EPM2A: variants seen among roughly 807,000 people sequenced by gnomAD.
The protein encoded by EPM2A is laforin.
In EPM2A, 21 loss-of-function variants were observed where a neutral mutation model predicts 26.5. That is an observed-to-expected ratio of 0.79 (90% CI 0.56 to 1.14). The LOEUF (loss-of-function observed/expected upper bound fraction) is 1.14, where lower values mean the gene tolerates loss of function less well. Among genes scored for constraint, EPM2A ranks in the 50% most tolerant of loss-of-function variants. The pLI, the probability that EPM2A is intolerant of heterozygous loss-of-function variation, is 0.00. For missense variants in EPM2A, 458 were observed against 440.8 expected, an observed-to-expected ratio of 1.04 and a Z score of -0.35; for synonymous variants, 217 against 177.6, an observed-to-expected ratio of 1.22 and a Z score of -1.76.
At chr6:145,444,720 G>A (rs974026797) in intron 4 of EPM2A, among the ~76,000 whole-genome samples, 11 of 151,998 alleles carry the variant, frequency 7.2e-5, no homozygotes, top group African/African-American at 2.7e-4. Flanking sequence ...TGTTTCTTAT[G>A]CATTAGCACG....
chr6:145,641,203 A>G (rs1206674853), intron 2 of EPM2A: 3 of 152,216 alleles, frequency 2.0e-5, no homozygotes, highest in Non-Finnish European at 4.4e-5. Flanking sequence ...CTCCTATGTT[A>G]AAGTCCTAAC....
intron 4 of EPM2A, among the ~76,000 whole-genome samples, chr6:145,468,128 G>C (rs1007351932): frequency 2.0e-5 from 3 of 151,952 alleles, no homozygotes; most frequent in African/African-American, 7.3e-5. Flanking sequence ...GGAATATTGA[G>C]AGTAGATACT....
At chr6:145,702,637 C>T (rs1781984575) in intron 1 of EPM2A, among the ~76,000 whole-genome samples, 1 of 152,172 alleles carries the variant, frequency 6.6e-6, no homozygotes, top group Admixed American at 6.5e-5. Flanking sequence ...TCCAGTCCTC[C>T]TAGTCTTTGC....
downstream of EPM2A, chr6:145,625,217 T>C (rs1393485605): frequency 6.5e-6 from 1 of 154,872 alleles, no homozygotes; most frequent in Admixed American, 6.4e-5. Context: ...GCTCAGTGGA[T>C]TGCCCCCTTT....
intron 2 of EPM2A, among the ~76,000 whole-genome samples, chr6:145,579,429 C>A (rs1486280386): frequency 6.6e-6 from 1 of 152,172 alleles, no homozygotes; most frequent in African/African-American, 2.4e-5. Context: ...CCCCTGATAT[C>A]ATTATGTAAT....
At chr6:145,411,809 T>C (rs1184104621) in intron 4 of EPM2A, among the ~76,000 whole-genome samples, 2 of 152,186 alleles carry the variant, frequency 1.3e-5, no homozygotes, top group Non-Finnish European at 2.9e-5. Context: ...AAGTTGAGGT[T>C]TGAATTCATG....
At position 145,598,377 on chromosome 6, in the gene EPM2A, G is replaced by C. The variant is rs1406145670; in HGVS notation, c.340+36868C>G. Among the ~76,000 whole-genome samples, 4 of 152,060 alleles carry C rather than the reference G, an allele frequency of 2.6e-5. No homozygotes were observed. The East Asian group carries it at 7.7e-4, about 29-fold the overall frequency. On this transcript the variant is annotated intron_variant, in intron 2 of 3. Coordinates refer to the EPM2A transcript ENST00000450221. ...GTTGGCCCTATGTATGTCTTCTTTT[G>C]AAAAGTGTCTGTTCATGTCATTTGC...
intron 4 of EPM2A, among the ~76,000 whole-genome samples, chr6:145,452,545 G>A (rs1247206926): frequency 7.0e-6 from 1 of 141,944 alleles, no homozygotes; most frequent in Non-Finnish European, 1.5e-5. Context: ...TGTGGCGGGC[G>A]CCTGTAGTCC....
rs537226334 is a variant in EPM2A, at chr6:145,638,796, A to G, written c.477-3310T>C. The G allele has an allele frequency of 5.9e-5, 9 of 152,338 alleles. No homozygotes were observed. The East Asian group carries it at 1.5e-3, about 26-fold the overall frequency. 9.4% of individuals were successfully genotyped at this position (152,338 alleles called of 1,614,324 possible). ...ATGGATTCTGCTTAATCAGACAGCT[A>G]AAGTGCCCTTCATGTGCATCCTATT... On this transcript the variant is annotated intron_variant, in intron 2 of 3. Transcript: ENST00000367519.
downstream of EPM2A, among the ~76,000 whole-genome samples, chr6:145,623,423 G>A (rs1775679062): frequency 6.6e-6 from 1 of 152,128 alleles, no homozygotes. Context: ...CAGCATTCCA[G>A]GTAAAGAGAA....
intron 4 of EPM2A, among the ~76,000 whole-genome samples, chr6:145,462,291 G>A (rs963453006): frequency 3.3e-5 from 5 of 152,138 alleles, no homozygotes; most frequent in African/African-American, 7.2e-5. Context: ...AAGGAGATGC[G>A]TGTGTTTGCA....
intron 1 of EPM2A, among the ~76,000 whole-genome samples, chr6:145,716,846 T>C (rs575806421): frequency 2.6e-4 from 40 of 152,336 alleles, no homozygotes; most frequent in Non-Finnish European, 4.4e-4. Context: ...AGCACCCATT[T>C]CTTCTTGGAT....
chr6:145,576,733 AAGAT>A (rs1318366157), intron 2 of EPM2A, among the ~76,000 whole-genome samples: 30 of 152,202 alleles, frequency 2.0e-4, no homozygotes, highest in African/African-American at 6.3e-4. Flanking sequence ...TAAGTACACA[AAGAT>A]AGAATATGTT....
At chr6:145,511,337 A>G (rs969520454) in intron 2 of EPM2A, among the ~76,000 whole-genome samples, 1 of 152,226 alleles carries the variant, frequency 6.6e-6, no homozygotes, top group Non-Finnish European at 1.5e-5. Context: ...CCTAATGAAC[A>G]TAGGCACAAA....
chr6:145,579,402 C>G (rs1035686846), intron 2 of EPM2A, among the ~76,000 whole-genome samples: 3 of 152,156 alleles, frequency 2.0e-5, no homozygotes, highest in African/African-American at 7.2e-5. Context: ...TAAAGATTGG[C>G]ATGTCCTGGA....
intron 4 of EPM2A, among the ~76,000 whole-genome samples, chr6:145,451,458 CA>C (rs1779194534): frequency 6.6e-6 from 1 of 152,166 alleles, no homozygotes; most frequent in Non-Finnish European, 1.5e-5. Context: ...GATGTAGCAT[CA>C]AAGATGGGAA....
At chr6:145,540,429 C>G (rs570355901) in intron 2 of EPM2A, among the ~76,000 whole-genome samples, 4 of 152,258 alleles carry the variant, frequency 2.6e-5, no homozygotes, top group African/African-American at 9.6e-5. Context: ...TCTTTGCTTC[C>G]CCTCAGCACT....
chr6:145,406,566 C>T (rs1332580725), intron 4 of EPM2A, among the ~76,000 whole-genome samples: 1 of 152,106 alleles, frequency 6.6e-6, no homozygotes, highest in African/African-American at 2.4e-5. Context: ...CAATTTCTTC[C>T]TCTAATGGTA....
chr6:145,568,167 G>C (rs1348607862), intron 2 of EPM2A, among the ~76,000 whole-genome samples: 1 of 152,126 alleles, frequency 6.6e-6, no homozygotes, highest in East Asian at 1.9e-4. Flanking sequence ...CCAAATGACT[G>C]GGCATGAGAT....
Sources: allele counts gnomAD v4.1 joint callset (sites outside exome capture counted in the v4.1 genomes callset), GRCh38; gene constraint gnomAD v4.1.1; transcripts MANE v1.5; gene names NCBI Gene and HGNC (gene_info 2026-07-23, HGNC 2026-07-21).